CPNE8: variants seen among roughly 807,000 people sequenced by gnomAD.
CPNE8 encodes copine-8.
CPNE8 carries 45 observed loss-of-function variants against 81.5 expected under a neutral mutation model. The ratio of observed to expected loss-of-function variants is 0.55; its 90% CI spans 0.44 to 0.71. The LOEUF (loss-of-function observed/expected upper bound fraction) is 0.71. Among genes scored for constraint, CPNE8 ranks in the 30% least tolerant of loss-of-function variants. The pLI, the probability that CPNE8 is intolerant of heterozygous loss-of-function variation, is 0.00. For synonymous variants in CPNE8, 252 were observed against 226.3 expected, an observed-to-expected ratio of 1.11 and a Z score of -1.02; for missense variants, 594 against 672.1, an observed-to-expected ratio of 0.88 and a Z score of 1.28.
At chr12:38,716,909 C>T (rs908402126) in intron 13 of CPNE8, among the ~76,000 whole-genome samples, 2 of 151,964 alleles carry the variant, frequency 1.3e-5, no homozygotes, top group Non-Finnish European at 2.9e-5. Context: ...GGACTGGTGT[C>T]CAGAATCTAC....
chr12:38,893,131 G>A (rs556208128), intron 1 of CPNE8, among the ~76,000 whole-genome samples: 78 of 152,276 alleles, frequency 5.1e-4, no homozygotes, highest in Middle Eastern at 3.4e-3. Context: ...AAACTGTTTG[G>A]AGGAAATTAA....
At position 38,659,765 on chromosome 12, in the gene CPNE8, A is replaced by G. The variant is rs148387731; in HGVS notation, c.1507-5695T>C. 4.0e-3 allele frequency among the ~76,000 whole-genome samples: 611 copies of G among 152,282 alleles called. 8 individuals are homozygous for G. Among genetic ancestry groups the G allele is most frequent in the African/African-American group, 0.013 (550 of 41,568 alleles). On this transcript the variant is annotated intron_variant, in intron 19 of 19. Transcript: ENST00000331366. ...AACTCACTCAAAACCGCACAACTATACGGAAACTGAACAATCTGCTCAATG... is the reference window on the plus strand; with the variant it reads ...AACTCACTCAAAACCGCACAACTATGCGGAAACTGAACAATCTGCTCAATG...
chr12:38,744,752 C>T (rs1432094710), intron 10 of CPNE8, among the ~76,000 whole-genome samples: 2 of 24,292 alleles, frequency 8.2e-5, no homozygotes, highest in Non-Finnish European at 2.2e-4. Flanking sequence ...TTATGCATGC[C>T]TATCAGGATT....
At chr12:38,799,335 C>A (rs367855801) in intron 6 of CPNE8, among the ~76,000 whole-genome samples, 1 of 152,016 alleles carries the variant, frequency 6.6e-6, no homozygotes, top group Non-Finnish European at 1.5e-5. Context: ...ACAGAAATTA[C>A]AACAAACTGT....
At chr12:38,798,533 A>G (rs1399303313) in intron 6 of CPNE8, among the ~76,000 whole-genome samples, 2 of 152,280 alleles carry the variant, frequency 1.3e-5, no homozygotes, top group South Asian at 2.1e-4. Context: ...CTGCCCTAAA[A>G]GAGCTCCTGA....
intron 18 of CPNE8, among the ~76,000 whole-genome samples, chr12:38,673,497 G>C (rs2220267): frequency 0.62 from 94,639 of 151,544 alleles, 36,457 homozygotes; most frequent in Non-Finnish European, 0.87. Context: ...TTTTTTTTAA[G>C]CCATGAAGAG....
intron 1 of CPNE8, among the ~76,000 whole-genome samples, chr12:38,894,214 C>G (rs758847971): frequency 2.0e-5 from 3 of 151,958 alleles, no homozygotes; most frequent in Admixed American, 6.6e-5. Flanking sequence ...AAGCAAGATG[C>G]CATATATATG....
intron 10 of CPNE8, among the ~76,000 whole-genome samples, chr12:38,753,867 A>G (rs996623916): frequency 6.6e-6 from 1 of 152,208 alleles, no homozygotes; most frequent in South Asian, 2.1e-4. Context: ...GTATGTACGT[A>G]TAAGAAAAAA....
At chr12:38,709,223 T>C (rs1940186950) in intron 13 of CPNE8, among the ~76,000 whole-genome samples, 2 of 152,224 alleles carry the variant, frequency 1.3e-5, no homozygotes, top group South Asian at 4.1e-4. Context: ...AACCTAACCC[T>C]TCTTGACCTT....
At chr12:38,669,281 T>A (rs77564855) in intron 19 of CPNE8, among the ~76,000 whole-genome samples, 5,568 of 152,262 alleles carry the variant, frequency 0.037, 275 homozygotes, top group East Asian at 0.15. Context: ...TGCTGACTAA[T>A]GAAGAATAAT....
intron 14 of CPNE8, 116 bp downstream of exon 14, chr12:38,702,759 T>C (rs1343280766): frequency 1.8e-6 from 1 of 545,678 alleles, no homozygotes; most frequent in African/African-American, 2.0e-5. Flanking sequence ...GTAAATTTTA[T>C]ATGGAAAACT....
intron 16 of CPNE8, among the ~76,000 whole-genome samples, chr12:38,679,388 AC>A (rs1939362684): frequency 6.6e-6 from 1 of 151,896 alleles, no homozygotes; most frequent in Non-Finnish European, 1.5e-5. Context: ...ATCATAGTAA[AC>A]TTGGAATTTC....
chr12:38,884,163 A>G (rs1279330370), intron 1 of CPNE8, among the ~76,000 whole-genome samples: 1 of 152,042 alleles, frequency 6.6e-6, no homozygotes, highest in Non-Finnish European at 1.5e-5. Flanking sequence ...CCTCCCACCA[A>G]AAACACCCTG....
intron 1 of CPNE8, among the ~76,000 whole-genome samples, chr12:38,877,794 A>G (rs1944088236): frequency 6.6e-6 from 1 of 152,184 alleles, no homozygotes; most frequent in African/African-American, 2.4e-5. Flanking sequence ...AAATACTATC[A>G]GAAGTCTTCA....
chr12:38,772,888 GA>G (rs1418883357), intron 7 of CPNE8, among the ~76,000 whole-genome samples: 2 of 151,078 alleles, frequency 1.3e-5, no homozygotes, highest in Non-Finnish European at 2.9e-5. Flanking sequence ...ATCAACAGAT[GA>G]ATAGATACAG....
intron 10 of CPNE8, among the ~76,000 whole-genome samples, chr12:38,741,498 A>T (rs1488777848): frequency 1.3e-5 from 2 of 152,220 alleles, no homozygotes; most frequent in Non-Finnish European, 2.9e-5. Context: ...CTGAAACTGG[A>T]TCCCTTCCTT....
At chr12:38,812,219 A>G (rs1042692142) in intron 6 of CPNE8, among the ~76,000 whole-genome samples, 1 of 152,220 alleles carries the variant, frequency 6.6e-6, no homozygotes, top group African/African-American at 2.4e-5. Flanking sequence ...AAATAGTCCT[A>G]TCATTTGAAT....
intron 13 of CPNE8, among the ~76,000 whole-genome samples, chr12:38,719,121 G>A (rs891511291): frequency 6.6e-6 from 1 of 152,018 alleles, no homozygotes; most frequent in African/African-American, 2.4e-5. Context: ...TTAGGTCATG[G>A]AAGAGCTGGA....
At chr12:38,711,321 T>C (rs183828637) in intron 13 of CPNE8, among the ~76,000 whole-genome samples, 2 of 152,294 alleles carry the variant, frequency 1.3e-5, no homozygotes, top group East Asian at 3.9e-4. Context: ...TTAGTGCTAG[T>C]CCTGACGATG....
Sources: allele counts gnomAD v4.1 joint callset (sites outside exome capture counted in the v4.1 genomes callset), GRCh38; gene constraint gnomAD v4.1.1; transcripts MANE v1.5; gene names NCBI Gene and HGNC (gene_info 2026-07-23, HGNC 2026-07-21).